CMIP: variants seen among roughly 807,000 people sequenced by gnomAD.
CMIP encodes the protein C-Maf-inducing protein.
A neutral mutation model predicts 97.3 loss-of-function variants in CMIP; 13 were observed. The observed-to-expected ratio is 0.13, with a 90% CI of 0.09 to 0.21. The LOEUF (loss-of-function observed/expected upper bound fraction) is 0.21, where lower values mean the gene tolerates loss of function less well. Ranked by LOEUF, CMIP falls within the 10% of genes least tolerant of loss-of-function variation. CMIP has a pLI of 1.00. For synonymous variants in CMIP, 538 were observed against 436.3 expected (o/e 1.23, Z -2.91); for missense variants, 847 against 1,024.9 (o/e 0.83, Z 2.37).
intron 2 of CMIP, chr16:81,610,368 C>T (rs2091811091): frequency 1.0e-6 from 1 of 985,608 alleles, no homozygotes; most frequent in African/African-American, 1.7e-5. Context: ...CACTTGCTCA[C>T]TGCCCCCTGA....
intron 3 of CMIP, among the ~76,000 whole-genome samples, chr16:81,636,439 G>A (rs2092235936): frequency 6.6e-6 from 1 of 152,044 alleles, no homozygotes; most frequent in Non-Finnish European, 1.5e-5. Flanking sequence ...AAATTAGCTA[G>A]GCGTGGTGGC....
intron 1 of CMIP, among the ~76,000 whole-genome samples, chr16:81,567,631 C>T (rs752880894): frequency 3.4e-4 from 52 of 152,208 alleles, no homozygotes; most frequent in Non-Finnish European, 6.9e-4. Context: ...TGGCTAGAAG[C>T]TAGGCTGAAA....
intron 1 of CMIP, among the ~76,000 whole-genome samples, chr16:81,563,526 G>A (rs144233530): frequency 2.0e-5 from 3 of 152,176 alleles, no homozygotes; most frequent in Admixed American, 6.5e-5. Context: ...ACACTGACAC[G>A]TACCGCATTA....
At chr16:81,525,934 T>G (rs973722634) in intron 1 of CMIP, among the ~76,000 whole-genome samples, 23 of 152,178 alleles carry the variant, frequency 1.5e-4, no homozygotes, top group African/African-American at 5.6e-4. Flanking sequence ...TATTGTAGCA[T>G]GTATCAGAAT....
chr16:81,446,721 A>G (rs188122602), intron 1 of CMIP, among the ~76,000 whole-genome samples: 42 of 152,286 alleles, frequency 2.8e-4, no homozygotes, highest in African/African-American at 9.6e-4. Flanking sequence ...ACAAACGTGT[A>G]GCGTGTGTAG....
intron 3 of CMIP, chr16:81,645,481 T>C: frequency 1.3e-6 from 2 of 1,533,748 alleles, no homozygotes; most frequent in Middle Eastern, 1.7e-4. Flanking sequence ...GGCACATTCC[T>C]GCTGACGACT....
chr16:81,654,509 C>T (rs977845191), intron 4 of CMIP, among the ~76,000 whole-genome samples: 1 of 152,188 alleles, frequency 6.6e-6, no homozygotes, highest in Non-Finnish European at 1.5e-5. Context: ...TTTGAAGCTA[C>T]TGTGTCAGGC....
At chr16:81,500,203 A>G (rs2150776596) in intron 1 of CMIP, among the ~76,000 whole-genome samples, 1 of 151,846 alleles carries the variant, frequency 6.6e-6, no homozygotes, top group Admixed American at 6.5e-5. Flanking sequence ...CTGTGGCTTA[A>G]CGATTCTTTT....
chr16:81,504,311 G>A (rs1406373019), intron 1 of CMIP, among the ~76,000 whole-genome samples: 1 of 151,848 alleles, frequency 6.6e-6, no homozygotes, highest in Non-Finnish European at 1.5e-5. Flanking sequence ...TGGTGATAGA[G>A]TGAGACTGTC....
intron 10 of CMIP, among the ~76,000 whole-genome samples, chr16:81,690,232 A>C (rs1315399754): frequency 6.6e-6 from 1 of 152,184 alleles, no homozygotes; most frequent in East Asian, 1.9e-4. Flanking sequence ...TTGAATCTAT[A>C]AATTACCTTG....
At chr16:81,702,538 C>T in intron 16 of CMIP, 84 bp from the exon 17 acceptor site, 2 of 1,335,160 alleles carry the variant, frequency 1.5e-6, no homozygotes, top group Non-Finnish European at 2.1e-6. Context: ...ACGATGGCTC[C>T]ATGAGTGTTG....
chr16:81,534,643 T>A (rs1417513202), intron 1 of CMIP, among the ~76,000 whole-genome samples: 1 of 146,608 alleles, frequency 6.8e-6, no homozygotes, highest in African/African-American at 2.5e-5. Context: ...ACATTCCCCA[T>A]AAAAAAAAAA....
At chr16:81,585,255 T>C (rs973201482) in intron 1 of CMIP, among the ~76,000 whole-genome samples, 5 of 152,182 alleles carry the variant, frequency 3.3e-5, no homozygotes, top group African/African-American at 1.2e-4. Context: ...GGCAGGAGAA[T>C]TGTTTGAACT....
At chr16:81,451,823 G>C (rs1163438998) in intron 1 of CMIP, among the ~76,000 whole-genome samples, 1 of 152,202 alleles carries the variant, frequency 6.6e-6, no homozygotes, top group Non-Finnish European at 1.5e-5. Flanking sequence ...GCTTTCCCCA[G>C]GATGGAAGCC....
At chr16:81,472,838 C>T (rs1045291169) in intron 1 of CMIP, among the ~76,000 whole-genome samples, 1 of 152,148 alleles carries the variant, frequency 6.6e-6, no homozygotes, top group Admixed American at 6.5e-5. Flanking sequence ...CATCCAGGGG[C>T]ACATCGTGGC....
In CMIP at chr16:81,612,730, C is replaced by T. The variant is rs60160810; in HGVS notation, c.426+5038C>T. Among the ~76,000 whole-genome samples the T allele has an allele frequency of 1.7e-3, 252 of 152,320 alleles. 1 individual carries two copies. The highest frequency in any genetic ancestry group is 5.7e-3 in the African/African-American group (238 of 41,572). ...ATTCCAAAGATTTAACACCAGAAGTCGGAAGCCTGGAACCAGCTGCCCGCA... is the reference window on the plus strand; with the variant it reads ...ATTCCAAAGATTTAACACCAGAAGTTGGAAGCCTGGAACCAGCTGCCCGCA... On this transcript the variant is annotated intron_variant, in intron 2 of 20. Coordinates refer to ENST00000537098, the MANE Select transcript of CMIP (RefSeq NM_198390.3).
In CMIP at chr16:81,709,841, A is replaced by G. The variant is rs779246322; in HGVS notation, c.*42A>G. On this transcript the variant is annotated 3_prime_UTR_variant, in exon 21 of 21. Transcript: ENST00000537098. Reference sequence around the variant, plus strand: ...CAGGAAGACGTTTGCAACCGCGACAAAATAACTCTTGACTAACAGCCGCAG... The same window carrying G: ...CAGGAAGACGTTTGCAACCGCGACAGAATAACTCTTGACTAACAGCCGCAG... 26 of 1,610,930 alleles carry G rather than the reference A, an allele frequency of 1.6e-5. No homozygotes were observed. Among genetic ancestry groups the G allele is most frequent in the Middle Eastern group, 3.3e-4 (2 of 6,010 alleles).
chr16:81,538,750 G>A (rs1182895402), intron 1 of CMIP, among the ~76,000 whole-genome samples: 1 of 152,074 alleles, frequency 6.6e-6, no homozygotes, highest in Non-Finnish European at 1.5e-5. Context: ...AAGGCATTAA[G>A]TTCAAAATAG....
At chr16:81,500,168 G>T (rs1299225630) in intron 1 of CMIP, among the ~76,000 whole-genome samples, 2 of 152,040 alleles carry the variant, frequency 1.3e-5, no homozygotes, top group African/African-American at 4.8e-5. Flanking sequence ...TCCTGCCTGA[G>T]CATCGGTGAA....
Sources: gnomAD v4.1 joint callset for allele counts (sites outside exome capture counted in the v4.1 genomes callset) on GRCh38, gnomAD v4.1.1 for gene constraint, MANE v1.5 for transcripts, NCBI Gene and HGNC (gene_info 2026-07-23, HGNC 2026-07-21) for gene names.